The following ALDH1A1 variants were observed in gnomAD, a reference collection of about 807,000 sequenced individuals.
The protein encoded by ALDH1A1 is aldehyde dehydrogenase 1A1.
Under a neutral mutation model 62.1 loss-of-function variants are expected in ALDH1A1, and 19 were observed. The ratio of observed to expected loss-of-function variants is 0.31; its 90% confidence interval spans 0.21 to 0.45. ALDH1A1 has a LOEUF of 0.45. Ranked by LOEUF, ALDH1A1 falls within the 20% of genes least tolerant of loss-of-function variation. The pLI is 1.00. For missense variants in ALDH1A1, 521 were observed against 607.1 expected (o/e 0.86, Z 1.49); for synonymous variants, 231 against 215.9 (o/e 1.07, Z -0.61).
At chr9:72,908,955 C>T (rs348474) in intron 11 of ALDH1A1, among the ~76,000 whole-genome samples, 149,694 of 152,258 alleles carry the variant, frequency 0.98, 73,633 homozygotes, top group East Asian at 1. Flanking sequence ...ATAAGAATAT[C>T]TGCATACACA....
In ALDH1A1 at chr9:72,912,032, C is replaced by T. The variant is rs1352312729; in HGVS notation, c.1126G>A (p.Gly376Arg). The T allele has an allele frequency of 1.9e-6, 3 of 1,613,810 alleles. No individual in the cohort carries two copies. The highest frequency in any genetic ancestry group is 2.7e-5 in the African/African-American group (2 of 74,898). Residue 376 changes from glycine to arginine, a missense_variant, in exon 10 of 13, where the codon GGG becomes AGG. Coordinates refer to ENST00000297785, the MANE Select transcript of ALDH1A1 (RefSeq NM_000689.5). ...GGCTGGACAAAGTAGCCTTTATTCCCCCACGGGCCTCCTCCACATTCCAGT... is the reference window on the plus strand; with the variant it reads ...GGCTGGACAAAGTAGCCTTTATTCCTCCACGGGCCTCCTCCACATTCCAGT... ...AKLECGGGPWGNKGYFVQPTV... is the reference protein window; with the variant it reads ...AKLECGGGPWRNKGYFVQPTV...
At chr9:72,923,432 T>C (rs2118528233) in intron 7 of ALDH1A1, among the ~76,000 whole-genome samples, 1 of 152,260 alleles carries the variant, frequency 6.6e-6, no homozygotes, top group East Asian at 1.9e-4. Context: ...TAAATGGGGA[T>C]CTATTTTCCC....
At chr9:72,909,801 A>C in intron 10 of ALDH1A1, 42 bp from the exon 11 acceptor site, 1 of 1,502,144 alleles carries the variant, frequency 6.7e-7, no homozygotes, top group East Asian at 2.3e-5. Flanking sequence ...ATAGGTTAAA[A>C]TGAAATATTT....
chr9:72,944,893 T>C (rs1830458481), intron 1 of ALDH1A1, among the ~76,000 whole-genome samples: 1 of 152,100 alleles, frequency 6.6e-6, no homozygotes, highest in Non-Finnish European at 1.5e-5. Flanking sequence ...CTATGCATAC[T>C]CTTGGACTTC....
intron 9 of ALDH1A1, among the ~76,000 whole-genome samples, chr9:72,912,391 A>G (rs1830003822): frequency 6.6e-6 from 1 of 152,294 alleles, no homozygotes; most frequent in South Asian, 2.1e-4. Context: ...AAACACATAA[A>G]AAACACATAA....
Position 72,901,234 on chromosome 9 carries a change from C to G in ALDH1A1, c.1480G>C (p.Val494Leu), listed in dbSNP as rs767165050. 6.2e-7 allele frequency: 1 copy of G among 1,610,474 alleles called. No individual in the cohort carries two copies. Among genetic ancestry groups the G allele is most frequent in the Non-Finnish European group, 8.5e-7 (1 of 1,178,096 alleles). ...HEYTEVKTVTVKISQKNS is the reference protein window; with the variant it reads ...HEYTEVKTVTLKISQKNS ...TATGAGTTCTTCTGAGAGATTTTCACTGTGACTGTTTTGACCTCTGTATAT... is the reference window on the plus strand; with the variant it reads ...TATGAGTTCTTCTGAGAGATTTTCAGTGTGACTGTTTTGACCTCTGTATAT... The change falls in exon 13 of 13, where the codon GTG becomes CTG. Residue 494 changes from valine (V) to leucine (L), a missense_variant. Transcript: ENST00000297785.
intron 8 of ALDH1A1, among the ~76,000 whole-genome samples, chr9:72,917,312 G>GA (rs1588134603): frequency 6.6e-6 from 1 of 151,940 alleles, no homozygotes; most frequent in Non-Finnish European, 1.5e-5. Context: ...TACAGAATCT[G>GA]AAAAAATAGT....
chr9:72,905,599 T>A (rs1312555422), intron 12 of ALDH1A1, among the ~76,000 whole-genome samples: 1 of 152,182 alleles, frequency 6.6e-6, no homozygotes, highest in Non-Finnish European at 1.5e-5. Context: ...CATTTGCACC[T>A]TTCTTGCAAT....
rs769982376 is a variant in ALDH1A1 at position 72,909,582 on chromosome 9, A to G, written c.1358+20T>C. ...ATGTGGTTATTACTGAAAAGGCTACATTCCTTAGGTTGGACTTACCACACT... is the reference window on the plus strand; with the variant it reads ...ATGTGGTTATTACTGAAAAGGCTACGTTCCTTAGGTTGGACTTACCACACT... On this transcript the variant is annotated intron_variant, in intron 11 of 12. Transcript: ENST00000297785. The G allele has an allele frequency of 1.9e-6, 3 of 1,593,152 alleles. No homozygotes were observed. In the South Asian group the frequency reaches 3.4e-5, roughly 18 times the overall value.
At chr9:72,916,894 T>G (rs367969476) in intron 9 of ALDH1A1, 26 bp downstream of exon 9, 1 of 1,532,122 alleles carries the variant, frequency 6.5e-7, no homozygotes, top group Non-Finnish European at 8.8e-7. Context: ...GCCCTGAAAA[T>G]GCTATCCTTT....
chr9:72,932,088 T>C (rs1359899319), intron 2 of ALDH1A1, among the ~76,000 whole-genome samples: 1 of 152,194 alleles, frequency 6.6e-6, no homozygotes, highest in Admixed American at 6.5e-5. Flanking sequence ...ACATACCTAC[T>C]ACTACTGCAA....
intron 1 of ALDH1A1, among the ~76,000 whole-genome samples, chr9:72,943,396 T>C (rs1389074487): frequency 2.6e-5 from 4 of 152,168 alleles, no homozygotes; most frequent in African/African-American, 9.6e-5. Context: ...GTATGTACCA[T>C]CTAGTTCCAT....
intron 4 of ALDH1A1, among the ~76,000 whole-genome samples, 179 bp downstream of exon 4, chr9:72,928,713 C>A (rs1830242423): frequency 6.6e-6 from 1 of 152,102 alleles, no homozygotes; most frequent in Non-Finnish European, 1.5e-5. Context: ...CTTTAAAAGA[C>A]CTTTTATGAA....
intron 7 of ALDH1A1, among the ~76,000 whole-genome samples, chr9:72,920,919 T>C (rs1005675017): frequency 9.9e-5 from 15 of 152,246 alleles, no homozygotes; most frequent in Non-Finnish European, 1.9e-4. Context: ...TCTAGCTTAT[T>C]ATGTCTTGCA....
At chr9:72,926,897 A>G (rs1319269340) in intron 5 of ALDH1A1, 3 of 443,298 alleles carry the variant, frequency 6.8e-6, no homozygotes. Context: ...TAGTATTAAA[A>G]CATTCTCAAG....
chr9:72,916,754 T>C (rs111227665), intron 9 of ALDH1A1, among the ~76,000 whole-genome samples, 166 bp downstream of exon 9: 3 of 152,324 alleles, frequency 2.0e-5, no homozygotes, highest in African/African-American at 7.2e-5. Context: ...CAGGATGATT[T>C]CATTCTCACT....
intron 3 of ALDH1A1, 34 bp from the exon 4 acceptor site, chr9:72,929,055 C>T (rs1389632728): frequency 6.8e-7 from 1 of 1,468,436 alleles, no homozygotes; most frequent in Non-Finnish European, 9.0e-7. Flanking sequence ...ATCTAAAATT[C>T]CATAAGTTTT....
In ALDH1A1 at chr9:72,928,871, T is replaced by C. The variant is rs534925613; in HGVS notation, c.442+21A>G. On this transcript the variant is annotated intron_variant, in intron 4 of 12. Transcript: ENST00000297785. ...TCCTCGCTCCTATCCTCACCATTAG[T>C]GGTTTCTCAAAGATACTTACCAATT... The C allele has an allele frequency of 4.4e-5, 71 of 1,612,060 alleles. 1 individual carries two copies. In the East Asian group the frequency reaches 9.4e-4, roughly 21 times the overall value.
chr9:72,950,628 T>G (rs1208806617), intron 1 of ALDH1A1, among the ~76,000 whole-genome samples: 1 of 151,884 alleles, frequency 6.6e-6, no homozygotes, highest in African/African-American at 2.4e-5. Flanking sequence ...ATGTAGCTTT[T>G]CTATCGTAGT....
Sources: gnomAD v4.1 joint callset for allele counts (sites outside exome capture counted in the v4.1 genomes callset) on GRCh38, gnomAD v4.1.1 for gene constraint, MANE v1.5 for transcripts, NCBI Gene and HGNC (gene_info 2026-07-23, HGNC 2026-07-21) for gene names.